The following PARVB variants were observed in gnomAD, a reference collection of about 807,000 sequenced individuals.
PARVB encodes the protein beta-parvin.
In PARVB, 46 loss-of-function variants were observed where a neutral mutation model predicts 47.0. That is an observed-to-expected ratio of 0.98 (90% CI 0.77 to 1.25). The LOEUF is 1.25. Among genes scored for constraint, PARVB ranks in the 50% most tolerant of loss-of-function variants. The pLI, the probability that PARVB is intolerant of heterozygous loss-of-function variation, is 0.00. For missense variants in PARVB, 473 were observed against 471.6 expected (o/e 1.00, Z -0.03); for synonymous variants, 196 against 196.3 (o/e 1.00, Z 0.01).
intron 10 of PARVB, among the ~76,000 whole-genome samples, chr22:44,156,806 G>A (rs2053945816): frequency 6.6e-6 from 1 of 152,200 alleles, no homozygotes; most frequent in African/African-American, 2.4e-5. Flanking sequence ...CCACTTACGT[G>A]AGATACCCAG....
chr22:44,153,120 A>G (rs1038361081), intron 10 of PARVB: 1 of 152,202 alleles, frequency 6.6e-6, no homozygotes, highest in African/African-American at 2.4e-5. Flanking sequence ...TCGTTGGCCA[A>G]CACATTTCTT....
intron 3 of PARVB, 78 bp downstream of exon 3, chr22:44,100,201 A>T: frequency 8.8e-7 from 1 of 1,135,472 alleles, no homozygotes; most frequent in Non-Finnish European, 1.3e-6. Context: ...CTCATGGACA[A>T]AGGGAGCTAA....
At chr22:44,015,821 C>CAA (rs771685594) in intron 2 of PARVB, among the ~76,000 whole-genome samples, 3 of 152,026 alleles carry the variant, frequency 2.0e-5, no homozygotes, top group Non-Finnish European at 4.4e-5. Context: ...CTCTGTCTCA[C>CAA]AAAAACAAAC....
At chr22:44,160,481 A>C (rs1490804462) in intron 11 of PARVB, among the ~76,000 whole-genome samples, 1 of 152,206 alleles carries the variant, frequency 6.6e-6, no homozygotes, top group African/African-American at 2.4e-5. Context: ...GGCTCGAAGC[A>C]GGTGTGTATA....
intron 1 of PARVB, among the ~76,000 whole-genome samples, chr22:44,061,653 G>A (rs1197591750): frequency 2.0e-5 from 3 of 151,644 alleles, no homozygotes; most frequent in South Asian, 2.1e-4. Flanking sequence ...GTCTCACTGC[G>A]TCACCCAGGC....
intron 1 of PARVB, among the ~76,000 whole-genome samples, chr22:44,047,014 C>T (rs576832964): frequency 1.3e-5 from 2 of 152,164 alleles, no homozygotes; most frequent in East Asian, 3.9e-4. Context: ...TCTTCCTTCC[C>T]CCACCGGCAG....
chr22:44,071,415 T>C (rs1304242648), intron 1 of PARVB, among the ~76,000 whole-genome samples: 1 of 152,196 alleles, frequency 6.6e-6, no homozygotes, highest in African/African-American at 2.4e-5. Context: ...AAAGCTGTGC[T>C]GAATGTGTTT....
At chr22:44,036,696 G>T (rs868419567) in intron 1 of PARVB, among the ~76,000 whole-genome samples, 1 of 152,114 alleles carries the variant, frequency 6.6e-6, no homozygotes, top group Non-Finnish European at 1.5e-5. Context: ...GAAGGAGTGC[G>T]TTGGCTCATG....
chr22:44,149,631 T>G (rs1302651365), intron 9 of PARVB: 1 of 152,132 alleles, frequency 6.6e-6, no homozygotes, highest in Non-Finnish European at 1.5e-5. Flanking sequence ...TTAACGGGGG[T>G]CCGCACACCC....
chr22:44,044,193 T>G (rs1209306099), intron 1 of PARVB, among the ~76,000 whole-genome samples: 1 of 145,580 alleles, frequency 6.9e-6, no homozygotes, highest in Non-Finnish European at 1.5e-5. Context: ...TTTTTGTGGT[T>G]TTTTTTTTTT....
chr22:44,117,030 G>A (rs1007639437), intron 3 of PARVB, among the ~76,000 whole-genome samples: 1 of 152,104 alleles, frequency 6.6e-6, no homozygotes, highest in Non-Finnish European at 1.5e-5. Context: ...ACAGGAGGAT[G>A]GTGGCCTTCC....
At chr22:44,023,537 C>CAAAACAAAACTAAAAT (rs1416034853), upstream of PARVB, among the ~76,000 whole-genome samples, 65 of 127,394 alleles carry the variant, frequency 5.1e-4, 1 homozygote, top group African/African-American at 1.9e-3. Context: ...TAAAACAAAA[C>CAAAACAAAACTAAAAT]AAAATAAAAT....
At chr22:44,121,655 G>A (rs1350954126) in intron 4 of PARVB, among the ~76,000 whole-genome samples, 1 of 152,074 alleles carries the variant, frequency 6.6e-6, no homozygotes, top group African/African-American at 2.4e-5. Context: ...AGCAAAATCT[G>A]GGCCTTATGG....
chr22:44,061,755 T>C (rs970233041), intron 1 of PARVB, among the ~76,000 whole-genome samples: 1 of 152,012 alleles, frequency 6.6e-6, no homozygotes, highest in African/African-American at 2.4e-5. Context: ...TAGCTGAGAC[T>C]ATAGGTGCGC....
intron 1 of PARVB, among the ~76,000 whole-genome samples, chr22:44,054,200 C>G (rs543694937): frequency 2.3e-4 from 35 of 152,204 alleles, no homozygotes; most frequent in Admixed American, 1.1e-3. Flanking sequence ...TAGAGAGATT[C>G]TGTTTTCTGA....
At chr22:44,055,496 G>A (rs1403233348) in intron 1 of PARVB, among the ~76,000 whole-genome samples, 2 of 151,992 alleles carry the variant, frequency 1.3e-5, no homozygotes, top group African/African-American at 4.8e-5. Flanking sequence ...CACCACACCC[G>A]GCTAATTTTT....
intron 1 of PARVB, among the ~76,000 whole-genome samples, chr22:44,078,971 C>T (rs2146999032): frequency 6.6e-6 from 1 of 152,342 alleles, no homozygotes; most frequent in South Asian, 2.1e-4. Context: ...AGGTGATCCA[C>T]CCGCCTCGGC....
chr22:44,148,627 C>T (rs1257577504), intron 9 of PARVB: 1 of 154,220 alleles, frequency 6.5e-6, no homozygotes, highest in East Asian at 1.9e-4. Context: ...TTGTCTAGGA[C>T]AGCTTACCCA....
Position 44,169,932 on chromosome 22 carries a change from C to G in PARVB, c.*1254C>G, listed in dbSNP as rs2054249628. 6.7e-6 allele frequency: 1 copy of G among 149,208 alleles called. No homozygotes were observed. The highest frequency in any genetic ancestry group is 2.6e-5 in the African/African-American group (1 of 38,904). 9.2% of individuals were successfully genotyped at this position (149,208 alleles called of 1,614,324 possible). ...TGTTGGCCAGGATGGTCTTGATCTC[C>G]TGACCTCATGATCTGCCTGCCTCAG... On this transcript the variant is annotated 3_prime_UTR_variant, in exon 13 of 13. Transcript: ENST00000338758.
Sources: gnomAD v4.1 joint callset for allele counts (sites outside exome capture counted in the v4.1 genomes callset) on GRCh38, gnomAD v4.1.1 for gene constraint, MANE v1.5 for transcripts, NCBI Gene and HGNC (gene_info 2026-07-23, HGNC 2026-07-21) for gene names.